CLU: variants seen among roughly 807,000 people sequenced by gnomAD.
CLU encodes the protein clusterin, also known as aging-associated protein 4.
Under a neutral mutation model 46.4 loss-of-function variants are expected in CLU, and 25 were observed. That is an observed-to-expected ratio of 0.54 (90% CI 0.39 to 0.75). The LOEUF (loss-of-function observed/expected upper bound fraction) is 0.75. CLU is among the 30% of genes least tolerant of loss of function. The pLI is 0.00. For missense variants in CLU, 504 were observed against 592.1 expected (o/e 0.85, Z 1.54); for synonymous variants, 235 against 235.1 (o/e 1.00, Z 0.00).
chr8:27,610,387 G>T, intron 2 of CLU, 88 bp downstream of exon 2: 3 of 1,077,572 alleles, frequency 2.8e-6, no homozygotes, highest in Non-Finnish European at 4.3e-6. Context: ...ACTGGGGCCT[G>T]ATAGAGAGGC....
chr8:27,604,978 C>A lies in CLU; in HGVS notation c.775G>T (p.Asp259Tyr). 1 of 1,614,088 alleles carries A rather than the reference C, an allele frequency of 6.2e-7. No homozygotes were observed. Among genetic ancestry groups the A allele is most frequent in the Non-Finnish European group, 8.5e-7 (1 of 1,180,014 alleles). The change falls in exon 5 of 9, where the codon GAC (aspartate) becomes TAC (tyrosine). Residue 259 changes from aspartate to tyrosine, a missense_variant. Around this residue, in one of 3 missense-constraint regions of CLU, gnomAD observed 428 missense variants for 484.0 expected, o/e 0.88. Transcript: ENST00000316403. ...EMIHEAQQAM[D>Y]IHFHSPAFQH... ...AAGGCCGGGCTATGGAAGTGGATGT[C>A]CATGGCCTGCTGAGCCTCGTGTATC...
intron 4 of CLU, 52 bp from the exon 5 acceptor site, chr8:27,605,387 C>A: frequency 6.3e-7 from 1 of 1,591,138 alleles, no homozygotes; most frequent in East Asian, 2.2e-5. Flanking sequence ...AGGCCACGGC[C>A]TCCTGGCCTC....
intron 3 of CLU, among the ~76,000 whole-genome samples, chr8:27,606,923 C>G (rs1800832128): frequency 6.6e-6 from 1 of 152,228 alleles, no homozygotes; most frequent in Admixed American, 6.5e-5. Context: ...TGAATCTTAC[C>G]TTTCTATTGC....
At chr8:27,608,631 G>T in intron 3 of CLU, 1 of 530,218 alleles carries the variant, frequency 1.9e-6, no homozygotes, top group Non-Finnish European at 3.4e-6. Flanking sequence ...GGCCCCTGCC[G>T]CCACCCCATC....
rs1438593034 is a variant in CLU, at chr8:27,598,057, G to A, written c.*184C>T. The stretch of plus-strand genomic sequence containing the variant: ...GCAGGAGCAATTCTGTTCTTCCCAT[G>A]AGCAGCAGAGTCGAGTGTTAGAGTG... On this transcript the variant is annotated 3_prime_UTR_variant, in exon 9 of 9. Transcript: ENST00000316403. The A allele has an allele frequency of 2.5e-5, 18 of 711,314 alleles. No individual in the cohort carries two copies. In the East Asian group the frequency reaches 4.3e-4, roughly 17 times the overall value. The allele number at this position is 711,314 out of a possible 1,614,324, so 44.1% of individuals were successfully genotyped here.
At chr8:27,605,423 C>T in intron 4 of CLU, 88 bp from the exon 5 acceptor site, 5 of 1,403,132 alleles carry the variant, frequency 3.6e-6, no homozygotes, top group Non-Finnish European at 4.0e-6. Flanking sequence ...CCAGGCCAGG[C>T]CCTGCCCATG....
In CLU at chr8:27,606,279, G is replaced by A. The variant is rs550833800; in HGVS notation, c.417+75C>T. On this transcript the variant is annotated intron_variant, in intron 4 of 8. Coordinates refer to ENST00000316403, the MANE Select transcript of CLU (RefSeq NM_001831.4). Reference sequence around the variant, plus strand: ...TGCTAATCAATTGCATCTGGCATGCGGAATGAAGCATATTTCACTAGGCTC... The same window carrying A: ...TGCTAATCAATTGCATCTGGCATGCAGAATGAAGCATATTTCACTAGGCTC... 4.3e-5 allele frequency: 65 copies of A among 1,528,570 alleles called. No homozygotes were observed. In the East Asian group the frequency reaches 8.6e-4, roughly 20 times the overall value. 94.7% of individuals were successfully genotyped at this position (1,528,570 alleles called of 1,614,324 possible). A position where few individuals can be genotyped will look rare whatever the true frequency, so the allele number is the denominator to read the frequency against.
chr8:27,597,174 T>A lies in CLU; in HGVS notation c.*1067A>T. ...CTTAAGAATATTCTAAGCTATAAAT[T>A]TACATGTGGACTTTGCTACACACCT... is the stretch of plus-strand genomic sequence containing the variant. On this transcript the variant is annotated 3_prime_UTR_variant, in exon 9 of 9. Transcript: ENST00000316403. The A allele has an allele frequency of 2.2e-6, 1 of 454,144 alleles. No homozygotes were observed. The highest frequency in any genetic ancestry group is 4.4e-6 in the Non-Finnish European group (1 of 226,790). 28.1% of individuals were successfully genotyped at this position (454,144 alleles called of 1,614,324 possible).
At chr8:27,609,998 A>G (rs879498156) in intron 2 of CLU, among the ~76,000 whole-genome samples, 1 of 152,162 alleles carries the variant, frequency 6.6e-6, no homozygotes, top group Admixed American at 6.5e-5. Flanking sequence ...CATGAGATCA[A>G]GATAGTGGCC....
chr8:27,598,402 G>T (rs1800651241), intron 8 of CLU, 58 bp downstream of exon 8: 1 of 1,607,532 alleles, frequency 6.2e-7, no homozygotes. Flanking sequence ...TTGTTTTTTT[G>T]TGGCTCCCAG....
chr8:27,611,341 G>A, intron 1 of CLU: 1 of 456,394 alleles, frequency 2.2e-6, no homozygotes, highest in Non-Finnish European at 4.4e-6. Flanking sequence ...CCCAGAGAAA[G>A]TCCCTTTGGA....
At position 27,598,449 on chromosome 8, in the gene CLU, C is replaced by G. The variant is rs764393074; in HGVS notation, c.1340+11G>C. The G allele has an allele frequency of 2.5e-6, 4 of 1,613,778 alleles. No individual in the cohort carries two copies. In the Admixed American group the frequency reaches 5.0e-5, roughly 20 times the overall value. ...GCCCTGCAGGCCCGCAGGAAAGGCC[C>G]GCCTGCTTACCGGTGCTTTTTGCGG... On this transcript the variant is annotated intron_variant, in intron 8 of 8. Coordinates refer to ENST00000316403, the MANE Select transcript of CLU (RefSeq NM_001831.4).
At position 27,606,540 on chromosome 8, in the gene CLU, A is replaced by C; in HGVS notation, c.247-16T>G. 6.2e-7 allele frequency: 1 copy of C among 1,613,978 alleles called. No homozygotes were observed. Among genetic ancestry groups the C allele is most frequent in the Non-Finnish European group, 8.5e-7 (1 of 1,180,012 alleles). ...TTAGGGCATCCTACAGGAAGACACA[A>C]GGCTGGCTGAGCCACACAGAGACCA... On this transcript the variant is annotated splice_polypyrimidine_tract_variant and intron_variant, in intron 3 of 8. Transcript: ENST00000316403.
rs1800680349 is a variant in CLU at position 27,599,651 on chromosome 8, G to A, written c.1164+129C>T. The A allele has an allele frequency of 1.4e-6, 1 of 723,306 alleles. No homozygotes were observed. The highest frequency in any genetic ancestry group is 2.4e-6 in the Non-Finnish European group (1 of 412,192). The allele number at this position is 723,306 out of a possible 1,614,324, so 44.8% of individuals were successfully genotyped here. ...CCTGAGTGGGTGATGAGGCTTCAAGGCAACAGGGGCGCCTAAAGTTTTCTA... is the reference window on the plus strand; with the variant it reads ...CCTGAGTGGGTGATGAGGCTTCAAGACAACAGGGGCGCCTAAAGTTTTCTA... On this transcript the variant is annotated intron_variant, in intron 7 of 8. Transcript: ENST00000316403. The surrounding 1 kb of genome is among the most constrained non-coding windows in gnomAD (Gnocchi z 4.0).
chr8:27,608,961 C>G lies in CLU; in HGVS notation c.223G>C (p.Glu75Gln). Residue 75 changes from glutamate to glutamine, a missense_variant, in exon 3 of 9, where the codon GAA (glutamate) becomes CAA (glutamine). Physicochemically the swap from Glu to Gln is conservative, Grantham distance 29. This residue lies in a region of CLU where 73 missense variants were observed against 91.2 expected (regional missense o/e 0.80). Transcript: ENST00000316403. ...EERKTLLSNL[E>Q]EAKKKKEDAL... is the part of the protein sequence containing the mutation. ...ACCTCTTTCTTCTTCTTGGCTTCTT[C>G]TAGGTTGCTGAGCAGTGTCTTGCGC... 6.2e-7 allele frequency: 1 copy of G among 1,614,222 alleles called. No individual in the cohort carries two copies. Among genetic ancestry groups the G allele is most frequent in the South Asian group, 1.1e-5 (1 of 91,088 alleles).
rs1585250338 is a variant in CLU, at chr8:27,598,837, T to A, written c.1165-202A>T. 4.9e-6 allele frequency: 3 copies of A among 606,170 alleles called. No individual in the cohort carries two copies. The Admixed American group carries it at 8.2e-5, about 17-fold the overall frequency. 37.5% of individuals were successfully genotyped at this position (606,170 alleles called of 1,614,324 possible). ...GACCTGGTTCACAGACACTCATGTGTTGGGGCAAATGTCATCTGCAAATGA... is the reference window on the plus strand; with the variant it reads ...GACCTGGTTCACAGACACTCATGTGATGGGGCAAATGTCATCTGCAAATGA... On this transcript the variant is annotated intron_variant, in intron 7 of 8. Transcript: ENST00000316403.
chr8:27,598,552 A>G lies in CLU; in HGVS notation c.1248T>C (p.Thr416=). ...TGGAGACTTCTACAGGGACCGTCAC[A>G]GTGATGGGATCAGAGTCAAAGAGCT... ...VVKLFDSDPI[T]VTVPVEVSRK... The change falls in exon 8 of 9, where the codon ACT becomes ACC. Residue 416 remains threonine (T), a synonymous_variant. Transcript: ENST00000316403. 6.2e-7 allele frequency: 1 copy of G among 1,614,164 alleles called. No individual in the cohort carries two copies. The highest frequency in any genetic ancestry group is 8.5e-7 in the Non-Finnish European group (1 of 1,180,004).
In CLU at chr8:27,605,234, C is replaced by T; in HGVS notation, c.519G>A (p.Leu173=). The change falls in exon 5 of 9, where the codon CTG becomes CTA. Residue 173 remains leucine (L), a synonymous_variant. Coordinates refer to ENST00000316403, the MANE Select transcript of CLU (RefSeq NM_001831.4). ...LENDRQQTHM[L]DVMQDHFSRA... ...GGCTGAAGTGGTCCTGCATGACATC[C>T]AGCATGTGCGTCTGCTGCCGGTCGT... 1.9e-6 allele frequency: 3 copies of T among 1,614,202 alleles called. No homozygotes were observed. Among genetic ancestry groups the T allele is most frequent in the Non-Finnish European group, 2.5e-6 (3 of 1,180,034 alleles).
chr8:27,598,461 G>A lies in CLU; in HGVS notation c.1339C>T (p.Arg447Trp), dbSNP rs543267224. 5.4e-5 allele frequency: 87 copies of A among 1,613,910 alleles called. No homozygotes were observed. The East Asian group carries it at 1.7e-3, about 32-fold the overall frequency. The change falls in exon 8 of 9, where the codon CGG becomes TGG. Residue 447 changes from arginine to tryptophan, a missense_variant and splice_region_variant. By Grantham distance (101) the Arg-to-Trp change is moderately radical (BLOSUM62 -3). Coordinates refer to ENST00000316403, the MANE Select transcript of CLU (RefSeq NM_001831.4). ...KALQEYRKKH[R>W]EE ...CGCAGGAAAGGCCCGCCTGCTTACC[G>A]GTGCTTTTTGCGGTATTCCTGCAGC...
Sources: allele counts gnomAD v4.1 joint callset (sites outside exome capture counted in the v4.1 genomes callset), GRCh38; gene constraint gnomAD v4.1.1; regional missense constraint gnomAD v4.1.1; non-coding constraint Gnocchi (gnomAD v3.1); transcripts MANE v1.5; gene names NCBI Gene and HGNC (gene_info 2026-07-23, HGNC 2026-07-21).